NUBPL: variants seen among roughly 807,000 people sequenced by gnomAD.
NUBPL encodes the protein NUBP iron-sulfur cluster assembly factor, mitochondrial.
In NUBPL, 31 loss-of-function variants were observed where a neutral mutation model predicts 45.7. That is an observed-to-expected ratio of 0.68 (90% confidence interval 0.51 to 0.92). The LOEUF is 0.92. Among genes scored for constraint, NUBPL ranks in the 40% least tolerant of loss-of-function variants. NUBPL has a pLI of 0.00. For synonymous variants in NUBPL, 144 were observed against 140.9 expected (o/e 1.02, Z -0.15); for missense variants, 401 against 398.7 (o/e 1.01, Z -0.05).
intron 1 of NUBPL, 186 bp downstream of exon 1, chr14:31,561,733 C>A (rs1192690205): frequency 1.8e-6 from 1 of 564,884 alleles, no homozygotes. Flanking sequence ...ACAGTTAGAA[C>A]GTAGATGTGG....
chr14:31,622,648 C>G (rs1370048384), intron 4 of NUBPL, among the ~76,000 whole-genome samples: 1 of 152,214 alleles, frequency 6.6e-6, no homozygotes, highest in African/African-American at 2.4e-5. Context: ...GCCATTCTTT[C>G]AGAGGGTGCA....
rs2033300468 is a variant in NUBPL at position 31,562,098 on chromosome 14, CAAA to C, written c.140_142del (p.Gln47del). 6.2e-7 allele frequency: 1 copy of C among 1,609,904 alleles called. No individual in the cohort carries two copies. Among genetic ancestry groups the C allele is most frequent in the South Asian group, 1.1e-5 (1 of 90,634 alleles). The stretch of plus-strand genomic sequence containing the variant: ...TGGCGCCGGGAGTGAGACCCTAAAA[CAAA>C]GAAGAACACAAATCATGTCCCGAGG... On this transcript the variant is annotated inframe_deletion, in exon 2 of 11. Transcript: ENST00000281081.
In NUBPL at chr14:31,810,100, T is replaced by C. The variant is rs551540613; in HGVS notation, c.608-16529T>C. On this transcript the variant is annotated intron_variant, in intron 7 of 10. Transcript: ENST00000281081. ...GAGAAGAATGTATATTCTGTTGATT[T>C]GGGGCGGAGAGTTCTGTAGATGTCT... Among the ~76,000 whole-genome samples, 3 of 152,334 alleles carry C rather than the reference T, an allele frequency of 2.0e-5. No individual in the cohort carries two copies. In the East Asian group the frequency reaches 5.8e-4, roughly 29 times the overall value.
chr14:31,752,567 T>G (rs1053962864), intron 6 of NUBPL, among the ~76,000 whole-genome samples: 1 of 152,232 alleles, frequency 6.6e-6, no homozygotes, highest in African/African-American at 2.4e-5. Flanking sequence ...ATTGTCCATA[T>G]TACTATCAGC....
intron 6 of NUBPL, among the ~76,000 whole-genome samples, chr14:31,691,954 A>G (rs995745363): frequency 6.6e-6 from 1 of 152,188 alleles, no homozygotes; most frequent in African/African-American, 2.4e-5. Flanking sequence ...AAGGAAGGGA[A>G]AAGATTGATG....
At chr14:31,726,257 C>T (rs935261528) in intron 6 of NUBPL, among the ~76,000 whole-genome samples, 11 of 151,950 alleles carry the variant, frequency 7.2e-5, no homozygotes, top group Admixed American at 2.6e-4. Context: ...TCCAAAGCAC[C>T]GATAGAATTA....
At chr14:31,613,218 A>G (rs1019977645) in intron 4 of NUBPL, among the ~76,000 whole-genome samples, 12 of 152,190 alleles carry the variant, frequency 7.9e-5, no homozygotes, top group Non-Finnish European at 1.8e-4. Context: ...GCATATTCTC[A>G]CCTCTTTGTG....
intron 6 of NUBPL, among the ~76,000 whole-genome samples, chr14:31,706,643 T>C (rs933278959): frequency 3.3e-5 from 5 of 152,230 alleles, no homozygotes; most frequent in African/African-American, 9.6e-5. Context: ...TGCAGAGTCC[T>C]CTTTTCTCAG....
chr14:31,803,177 G>A (rs1000818359), intron 7 of NUBPL, among the ~76,000 whole-genome samples: 2 of 152,180 alleles, frequency 1.3e-5, no homozygotes, highest in Non-Finnish European at 2.9e-5. Flanking sequence ...TTAAATAAAT[G>A]AATGACCCAT....
rs534054801 is a variant in NUBPL, at chr14:31,782,929, T to C, written c.514-4851T>C. ...GCATAATTTTTAGAGACCAAACATA[T>C]TTAGTCTTTCTATTAAATTTAAGAA... On this transcript the variant is annotated intron_variant, in intron 6 of 10. Coordinates refer to ENST00000281081, the MANE Select transcript of NUBPL (RefSeq NM_025152.3). 2.1e-3 allele frequency among the ~76,000 whole-genome samples: 319 copies of C among 152,306 alleles called. 1 individual carries two copies. Among genetic ancestry groups the C allele is most frequent in the African/African-American group, 7.3e-3 (305 of 41,572 alleles).
At chr14:31,703,357 A>C (rs2037379291) in intron 6 of NUBPL, among the ~76,000 whole-genome samples, 4 of 152,248 alleles carry the variant, frequency 2.6e-5, no homozygotes, top group African/African-American at 9.6e-5. Flanking sequence ...GAAATTGTAC[A>C]CATGCCCATC....
chr14:31,567,100 C>T (rs1230908389), intron 3 of NUBPL, among the ~76,000 whole-genome samples: 2 of 152,104 alleles, frequency 1.3e-5, no homozygotes, highest in African/African-American at 2.4e-5. Context: ...TAACTAGATT[C>T]TAGTTAACTA....
intron 4 of NUBPL, among the ~76,000 whole-genome samples, chr14:31,635,020 T>G (rs1041812286): frequency 3.1e-4 from 46 of 150,286 alleles, no homozygotes; most frequent in Non-Finnish European, 5.5e-4. Context: ...TTGCGAAAAT[T>G]TTCTCCCATT....
chr14:31,764,787 G>A (rs2038881297), intron 6 of NUBPL, among the ~76,000 whole-genome samples: 1 of 152,146 alleles, frequency 6.6e-6, no homozygotes, highest in African/African-American at 2.4e-5. Context: ...AAGTTTCTTA[G>A]ATGTCCTTTA....
intron 6 of NUBPL, among the ~76,000 whole-genome samples, chr14:31,684,836 A>T (rs1438928407): frequency 1.3e-5 from 2 of 152,128 alleles, no homozygotes; most frequent in East Asian, 1.9e-4. Flanking sequence ...TATCCCTGAG[A>T]CACCTCTTCT....
chr14:31,618,487 T>C (rs767737705), intron 4 of NUBPL, among the ~76,000 whole-genome samples: 3 of 152,244 alleles, frequency 2.0e-5, no homozygotes, highest in Non-Finnish European at 4.4e-5. Context: ...TTTGTTCTCA[T>C]TGGTTTCAAA....
At chr14:31,632,513 G>A (rs1014508152) in intron 4 of NUBPL, among the ~76,000 whole-genome samples, 2 of 152,188 alleles carry the variant, frequency 1.3e-5, no homozygotes, top group Non-Finnish European at 2.9e-5. Context: ...AAGACAGCTA[G>A]GTTGGAGTAG....
chr14:31,727,442 C>T (rs948051192), intron 6 of NUBPL, among the ~76,000 whole-genome samples: 1 of 152,052 alleles, frequency 6.6e-6, no homozygotes. Flanking sequence ...TTGTAACTGT[C>T]AAAGACAAAG....
rs185842312 is a variant in NUBPL at position 31,656,839 on chromosome 14, A to G, written c.383-16516A>G. Among the ~76,000 whole-genome samples the G allele has an allele frequency of 1.5e-4, 23 of 152,350 alleles. 1 individual carries two copies. The South Asian group carries it at 2.1e-3, about 14-fold the overall frequency. ...AAAATGGCACCAATAGACTTGCTCA[A>G]TGTAGGGTTGCACAAACCTTTGATT... On this transcript the variant is annotated intron_variant, in intron 4 of 10. Transcript: ENST00000281081.
Sources: gnomAD v4.1 joint callset for allele counts (sites outside exome capture counted in the v4.1 genomes callset) on GRCh38, gnomAD v4.1.1 for gene constraint, MANE v1.5 for transcripts, NCBI Gene and HGNC (gene_info 2026-07-23, HGNC 2026-07-21) for gene names.